PREX1: variants seen among roughly 807,000 people sequenced by gnomAD.
PREX1 encodes phosphatidylinositol-3,4,5-trisphosphate dependent Rac exchange factor 1.
In PREX1, 41 loss-of-function variants were observed where a neutral mutation model predicts 198.3. The ratio of observed to expected loss-of-function variants is 0.21; its 90% CI spans 0.16 to 0.27. The LOEUF (loss-of-function observed/expected upper bound fraction) is 0.27, where lower values mean the gene tolerates loss of function less well. Among genes scored for constraint, PREX1 ranks in the 10% least tolerant of loss-of-function variants. The probability of loss-of-function intolerance (pLI) is 1.00; values close to 1 mark genes in which losing one functional copy is unlikely to be tolerated. For synonymous variants in PREX1, 843 were observed against 887.2 expected, an observed-to-expected ratio of 0.95 and a Z score of 0.89; for missense variants, 1,620 against 2,200.7, an observed-to-expected ratio of 0.74 and a Z score of 5.28.
intron 1 of PREX1, among the ~76,000 whole-genome samples, chr20:48,799,249 T>A (rs2090375635): frequency 6.6e-6 from 1 of 152,206 alleles, no homozygotes; most frequent in Admixed American, 6.5e-5. Context: ...ACATTTTCTT[T>A]CATTTAATTC....
chr20:48,727,901 C>T lies in PREX1; in HGVS notation c.520-1510G>A, dbSNP rs2090016962. 2.6e-5 allele frequency among the ~76,000 whole-genome samples: 4 copies of T among 152,160 alleles called. No homozygotes were observed. The South Asian group carries it at 8.3e-4, about 32-fold the overall frequency. The stretch of plus-strand genomic sequence containing the variant: ...TCAGAGAGGCTCCAACTTAAGAATC[C>T]ATTTTTGTTTGGCAGGAACCATGAG... On this transcript the variant is annotated intron_variant, in intron 4 of 39. Transcript: ENST00000371941.
intron 2 of PREX1, among the ~76,000 whole-genome samples, 190 bp from the exon 3 acceptor site, chr20:48,745,337 A>C (rs1376313788): frequency 2.6e-5 from 4 of 152,260 alleles, no homozygotes; most frequent in African/African-American, 9.6e-5. Context: ...TATTTACTAT[A>C]ATCGGAATTA....
At chr20:48,838,426 G>A in the PREX1 span, among the ~76,000 whole-genome samples, 1 of 152,056 alleles carries the variant, frequency 6.6e-6, no homozygotes, top group East Asian at 1.9e-4. Flanking sequence ...GACAAACTTC[G>A]ATGCGCAAAG....
At chr20:48,854,727 A>G in the PREX1 span, among the ~76,000 whole-genome samples, 6 of 152,182 alleles carry the variant, frequency 3.9e-5, no homozygotes, top group Non-Finnish European at 7.3e-5. Context: ...GAGGCCCAAA[A>G]CAGGTAATGA....
intron 3 of PREX1, among the ~76,000 whole-genome samples, chr20:48,738,280 GA>G (rs1400359059): frequency 6.6e-6 from 1 of 152,214 alleles, no homozygotes; most frequent in Non-Finnish European, 1.5e-5. Flanking sequence ...AGGTGCAGGA[GA>G]GGGGGTAACA....
At chr20:48,665,855 G>A (rs757382494) in intron 15 of PREX1, among the ~76,000 whole-genome samples, 3 of 152,112 alleles carry the variant, frequency 2.0e-5, no homozygotes, top group African/African-American at 4.8e-5. Context: ...GGAGGAGGCC[G>A]GGGAAAGAGG....
chr20:48,670,830 C>A (rs1029042406), intron 14 of PREX1, among the ~76,000 whole-genome samples: 2 of 152,214 alleles, frequency 1.3e-5, no homozygotes, highest in African/African-American at 4.8e-5. Flanking sequence ...CCCTGCCACA[C>A]ACAAACACAC....
intron 1 of PREX1, among the ~76,000 whole-genome samples, chr20:48,782,204 C>T (rs6095292): frequency 0.35 from 53,872 of 151,982 alleles, 10,577 homozygotes; most frequent in Admixed American, 0.45. Context: ...AATCTCATCT[C>T]GAATTGTAGC....
intron 3 of PREX1, among the ~76,000 whole-genome samples, chr20:48,740,293 C>A (rs754780364): frequency 2.6e-4 from 40 of 152,332 alleles, no homozygotes; most frequent in Admixed American, 1.4e-3. Context: ...AAATGCCTGT[C>A]ACAGAGACAG....
chr20:48,625,948 A>T, intron 39 of PREX1, 21 bp from the exon 40 acceptor site: 1 of 1,542,958 alleles, frequency 6.5e-7, no homozygotes, highest in Non-Finnish European at 8.7e-7. Flanking sequence ...AGGCAAAGAG[A>T]ATGAGGAGAG....
the PREX1 span, among the ~76,000 whole-genome samples, chr20:48,847,575 A>G: frequency 6.6e-6 from 1 of 152,192 alleles, no homozygotes; most frequent in Admixed American, 6.5e-5. Context: ...TATTTCCACC[A>G]TATAGAGATA....
rs201081944 is a variant in PREX1, at chr20:48,798,902, C to CT, written c.219+28739dup. Among the ~76,000 whole-genome samples the CT allele has an allele frequency of 9.9e-4, 150 of 152,126 alleles. 1 individual carries two copies. In the South Asian group the frequency reaches 0.02, roughly 20 times the overall value. The stretch of plus-strand genomic sequence containing the variant: ...AAATCTCTAAATATGAATTAAATAA[C>CT]TTTTTTCTTTTTGAGACAGAGTCTC... On this transcript the variant is annotated intron_variant, in intron 1 of 39. Transcript: ENST00000371941.
In PREX1 at chr20:48,665,225, A is replaced by C. The variant is rs147501726; in HGVS notation, c.1738+1058T>G. Among the ~76,000 whole-genome samples the C allele has an allele frequency of 4.6e-3, 569 of 123,994 alleles. 2 individuals are homozygous for C. The highest frequency in any genetic ancestry group is 6.3e-3 in the Non-Finnish European group (382 of 60,676). 81.3% of individuals were successfully genotyped at this position (123,994 alleles called of 152,430 possible). The stretch of plus-strand genomic sequence containing the variant: ...AATCCTGCCCCAGACGGCCTGAATT[A>C]TAATCCTGGCTCCAGATGGCCTGAA... On this transcript the variant is annotated intron_variant, in intron 15 of 39. Transcript: ENST00000371941.
At chr20:48,686,837 G>C (rs1452731613) in intron 10 of PREX1, among the ~76,000 whole-genome samples, 1 of 152,172 alleles carries the variant, frequency 6.6e-6, no homozygotes, top group Non-Finnish European at 1.5e-5. Flanking sequence ...TCCACCACAA[G>C]CCTCAGGCCA....
intron 1 of PREX1, among the ~76,000 whole-genome samples, chr20:48,799,617 G>C (rs1322465231): frequency 6.6e-6 from 1 of 152,220 alleles, no homozygotes; most frequent in Non-Finnish European, 1.5e-5. Flanking sequence ...TACAGCCAAA[G>C]ACTGGAGGGG....
At chr20:48,673,682 A>T (rs1377368398) in intron 14 of PREX1, among the ~76,000 whole-genome samples, 2 of 145,212 alleles carry the variant, frequency 1.4e-5, no homozygotes, top group African/African-American at 2.4e-5. Context: ...CTCTGTGCAG[A>T]TTGCTAACCC....
chr20:48,808,000 T>G (rs1266282434), intron 1 of PREX1, among the ~76,000 whole-genome samples: 2 of 152,076 alleles, frequency 1.3e-5, no homozygotes, highest in Non-Finnish European at 2.9e-5. Context: ...GCCTGCACCA[T>G]CCTCATTTCT....
At chr20:48,886,174 G>A in the PREX1 span, among the ~76,000 whole-genome samples, 1 of 152,152 alleles carries the variant, frequency 6.6e-6, no homozygotes, top group South Asian at 2.1e-4. Flanking sequence ...AGGGATGGGG[G>A]TATGTTGAAA....
the PREX1 span, among the ~76,000 whole-genome samples, chr20:48,847,806 C>A: frequency 2.0e-5 from 3 of 152,242 alleles, no homozygotes; most frequent in African/African-American, 7.2e-5. Context: ...TCCAGTCAGC[C>A]CCCATCCTTC....
Sources: allele counts gnomAD v4.1 joint callset (sites outside exome capture counted in the v4.1 genomes callset), GRCh38; gene constraint gnomAD v4.1.1; transcripts MANE v1.5; gene names NCBI Gene and HGNC (gene_info 2026-07-23, HGNC 2026-07-21).